The following DHX30 variants were observed in gnomAD, a reference collection of about 807,000 sequenced individuals.
DHX30 encodes the protein DExH-box helicase 30, also known as ATP-dependent RNA helicase DHX30.
A neutral mutation model predicts 116.9 loss-of-function variants in DHX30; 4 were observed. The ratio of observed to expected loss-of-function variants is 0.03; its 90% CI spans 0.02 to 0.08. DHX30 has a LOEUF of 0.08. Ranked by LOEUF, DHX30 falls within the 10% of genes least tolerant of loss-of-function variation. The pLI is 1.00. For synonymous variants in DHX30, 697 were observed against 651.7 expected (o/e 1.07, Z -1.06); for missense variants, 871 against 1,595.1 (o/e 0.55, Z 7.73).
intron 6 of DHX30, among the ~76,000 whole-genome samples, chr3:47,834,168 A>G (rs1178059379): frequency 6.6e-6 from 1 of 152,040 alleles, no homozygotes; most frequent in Non-Finnish European, 1.5e-5. Flanking sequence ...CAGTGGCGTG[A>G]TCTTGGCTCA....
chr3:47,816,530 G>T (rs1319135204), intron 3 of DHX30: 2 of 932,916 alleles, frequency 2.1e-6, no homozygotes, highest in East Asian at 1.2e-4. Context: ...GCCAATTTTT[G>T]TATTTTTAGT....
Position 47,845,684 on chromosome 3 carries a change from G to T in DHX30, c.940-16G>T. The T allele has an allele frequency of 1.3e-6, 2 of 1,575,840 alleles. No individual in the cohort carries two copies. Among genetic ancestry groups the T allele is most frequent in the Non-Finnish European group, 1.7e-6 (2 of 1,151,952 alleles). On this transcript the variant is annotated splice_polypyrimidine_tract_variant and intron_variant, in intron 9 of 21. Transcript: ENST00000445061. ...AGCCCCAGAGCATAGACTGAGTCTT[G>T]CATGTCCCCCTGCAGAGCCTGGGCC...
chr3:47,842,319 G>A (rs1033632293), intron 8 of DHX30: 2 of 153,156 alleles, frequency 1.3e-5, no homozygotes, highest in Admixed American at 6.5e-5. Context: ...GATAAGGTAC[G>A]AACACCAACA....
intron 2 of DHX30, among the ~76,000 whole-genome samples, chr3:47,807,564 G>C (rs1282321044): frequency 6.6e-6 from 1 of 151,714 alleles, no homozygotes; most frequent in Non-Finnish European, 1.5e-5. Flanking sequence ...ATTTAGCCGT[G>C]CATGGTGGCG....
chr3:47,834,329 C>T (rs1452883195), intron 6 of DHX30, among the ~76,000 whole-genome samples: 1 of 152,062 alleles, frequency 6.6e-6, no homozygotes, highest in Non-Finnish European at 1.5e-5. Flanking sequence ...GTCTTGAACT[C>T]CTGACCTGAA....
rs1237487442 is a variant in DHX30, at chr3:47,846,601, C to T, written c.1529C>T (p.Ser510Phe). 3.1e-6 allele frequency: 5 copies of T among 1,614,016 alleles called. No individual in the cohort carries two copies. The highest frequency in any genetic ancestry group is 1.6e-4 in the Middle Eastern group (1 of 6,084). Reference protein sequence around the residue: ...AQRVSHELGPSLRRNVGFQVR... With the variant: ...AQRVSHELGPFLRRNVGFQVR... ...CGGGTCAGCCACGAACTGGGCCCCT[C>T]CCTGCGCCGGAATGTGGGCTTCCAG... The change falls in exon 11 of 22, where the codon TCC becomes TTC. Residue 510 changes from serine to phenylalanine, a missense_variant. Around this residue, in one of 13 missense-constraint regions of DHX30, gnomAD observed 63 missense variants for 180.6 expected, o/e 0.35. Transcript: ENST00000445061.
intron 3 of DHX30, among the ~76,000 whole-genome samples, chr3:47,812,183 T>TG (rs1354836788): frequency 6.7e-6 from 1 of 150,188 alleles, no homozygotes; most frequent in African/African-American, 2.5e-5. Context: ...GCTGAGATCG[T>TG]GCCATTGCAC....
intron 3 of DHX30, chr3:47,816,230 T>C (rs2036044304): frequency 4.1e-6 from 4 of 985,008 alleles, no homozygotes; most frequent in Non-Finnish European, 4.8e-6. Context: ...ATTGGGCCAA[T>C]GCAACTGCAA....
chr3:47,839,704 G>C (rs2037280138), intron 6 of DHX30, among the ~76,000 whole-genome samples: 1 of 148,888 alleles, frequency 6.7e-6, no homozygotes, highest in South Asian at 2.1e-4. Context: ...TTTTTTTGTG[G>C]AGTCTCTATT....
chr3:47,832,545 A>G (rs1331893917), intron 6 of DHX30, among the ~76,000 whole-genome samples: 2 of 152,116 alleles, frequency 1.3e-5, no homozygotes, highest in African/African-American at 4.8e-5. Flanking sequence ...TAATGTCTCG[A>G]AAATATCCAT....
rs2037643454 is a variant in DHX30 at position 47,847,091 on chromosome 3, A to C, written c.1929+90A>C. 1.5e-5 allele frequency: 23 copies of C among 1,518,278 alleles called. No individual in the cohort carries two copies. Among genetic ancestry groups the C allele is most frequent in the Non-Finnish European group, 2.1e-5 (23 of 1,114,970 alleles). 94.1% of individuals were successfully genotyped at this position (1,518,278 alleles called of 1,614,324 possible). ...GGCCCTGGGGCTTGGTGCCTGGGGC[A>C]AGTTACCCTCCCCAGTCCTCGGTTT... On this transcript the variant is annotated intron_variant, in intron 11 of 21. Coordinates refer to ENST00000445061, the MANE Select transcript of DHX30 (RefSeq NM_138615.3). This position sits in a 1 kb window ranked among gnomAD's most constrained non-coding sequence, Gnocchi z 5.5.
chr3:47,830,398 A>G (rs1009100221), intron 6 of DHX30, among the ~76,000 whole-genome samples: 2 of 151,586 alleles, frequency 1.3e-5, no homozygotes, highest in South Asian at 4.2e-4. Flanking sequence ...CAGTGAGTCG[A>G]GATCACACCA....
Position 47,805,366 on chromosome 3 carries a change from A to G in DHX30, c.-82A>G. On this transcript the variant is annotated 5_prime_UTR_variant, in exon 2 of 22. Transcript: ENST00000445061. Reference sequence around the variant, plus strand: ...CGTGATGAGGAATAGCAAGGAGAGAATTCAGCTCCAGTTCAAAAGCCTACA... The same window carrying G: ...CGTGATGAGGAATAGCAAGGAGAGAGTTCAGCTCCAGTTCAAAAGCCTACA... 2.5e-6 allele frequency: 1 copy of G among 399,134 alleles called. No individual in the cohort carries two copies. The highest frequency in any genetic ancestry group is 6.3e-4 in the Middle Eastern group (1 of 1,588). 24.7% of individuals were successfully genotyped at this position (399,134 alleles called of 1,614,324 possible). A position where few individuals can be genotyped will look rare whatever the true frequency, so the allele number is the denominator to read the frequency against.
At chr3:47,838,542 A>G (rs948759257) in intron 6 of DHX30, among the ~76,000 whole-genome samples, 1 of 152,202 alleles carries the variant, frequency 6.6e-6, no homozygotes, top group Non-Finnish European at 1.5e-5. Flanking sequence ...AATTATCTCA[A>G]AAACCCAAGG....
At chr3:47,808,711 G>A (rs2035645662) in intron 2 of DHX30, among the ~76,000 whole-genome samples, 1 of 151,450 alleles carries the variant, frequency 6.6e-6, no homozygotes, top group Non-Finnish European at 1.5e-5. Context: ...GAGTAGCTGG[G>A]ATTACAGGCA....
intron 3 of DHX30, among the ~76,000 whole-genome samples, chr3:47,812,150 A>C (rs550931843): frequency 4.0e-5 from 6 of 151,062 alleles, no homozygotes; most frequent in Non-Finnish European, 7.4e-5. Flanking sequence ...AATCGCTTGA[A>C]CCTGGGAGAC....
intron 5 of DHX30, 109 bp downstream of exon 5, chr3:47,827,586 G>C (rs1440977561): frequency 7.1e-7 from 1 of 1,405,284 alleles, no homozygotes; most frequent in Non-Finnish European, 9.6e-7. Flanking sequence ...TGGGTTTCCT[G>C]AATTAAAATG....
At chr3:47,804,678 C>G (rs2035441203) in intron 1 of DHX30, among the ~76,000 whole-genome samples, 1 of 152,194 alleles carries the variant, frequency 6.6e-6, no homozygotes, top group African/African-American at 2.4e-5. Flanking sequence ...TACATTTAGG[C>G]AACAGCATAA....
rs2037131635 is a variant in DHX30, at chr3:47,836,646, G to A, written c.367-4231G>A. 4.6e-5 allele frequency among the ~76,000 whole-genome samples: 7 copies of A among 151,956 alleles called. No homozygotes were observed. In the South Asian group the frequency reaches 1.5e-3, roughly 32 times the overall value. On this transcript the variant is annotated intron_variant, in intron 6 of 21. Transcript: ENST00000445061. ...CGATTCTCCTGCCTCAGCCTCCCGAGTAGCTGGGACTACAGGTGCGCACCA... is the reference window on the plus strand; with the variant it reads ...CGATTCTCCTGCCTCAGCCTCCCGAATAGCTGGGACTACAGGTGCGCACCA...
Sources: gnomAD v4.1 joint callset for allele counts (sites outside exome capture counted in the v4.1 genomes callset) on GRCh38, gnomAD v4.1.1 for gene constraint, gnomAD v4.1.1 regional missense constraint, Gnocchi (gnomAD v3.1) non-coding constraint, MANE v1.5 for transcripts, NCBI Gene and HGNC (gene_info 2026-07-23, HGNC 2026-07-21) for gene names.